MRPS9: variants seen among roughly 807,000 people sequenced by gnomAD.
MRPS9 encodes mitochondrial ribosomal protein S9, also known as small ribosomal subunit protein uS9m.
A neutral mutation model predicts 59.9 loss-of-function variants in MRPS9; 45 were observed. The ratio of observed to expected loss-of-function variants is 0.75; its 90% CI spans 0.59 to 0.96. MRPS9 has a LOEUF of 0.96. MRPS9 is among the 40% of genes least tolerant of loss of function. The probability of loss-of-function intolerance (pLI) is 0.00; values close to 1 mark genes in which losing one functional copy is unlikely to be tolerated. For synonymous variants in MRPS9, 171 were observed against 166.8 expected, an observed-to-expected ratio of 1.03 and a Z score of -0.19; for missense variants, 473 against 481.1, an observed-to-expected ratio of 0.98 and a Z score of 0.16.
chr2:105,043,502 A>ATC (rs1679537461), intron 1 of MRPS9, among the ~76,000 whole-genome samples: 3 of 152,194 alleles, frequency 2.0e-5, no homozygotes, highest in Non-Finnish European at 4.4e-5. Flanking sequence ...GGACAGTTGG[A>ATC]ATACCGTTTT....
At chr2:105,096,631 G>A (rs1680665283) in intron 9 of MRPS9, among the ~76,000 whole-genome samples, 1 of 152,182 alleles carries the variant, frequency 6.6e-6, no homozygotes, top group South Asian at 2.1e-4. Context: ...GGTGTTTGGT[G>A]TCAGGGAAGT....
intron 2 of MRPS9, among the ~76,000 whole-genome samples, chr2:105,065,367 T>C (rs1351364521): frequency 2.0e-5 from 3 of 152,206 alleles, no homozygotes; most frequent in Non-Finnish European, 2.9e-5. Flanking sequence ...CAGTGTAAGC[T>C]ACTTAACTGC....
intron 1 of MRPS9, chr2:105,038,526 G>T (rs1679436104): frequency 5.1e-6 from 2 of 395,120 alleles, no homozygotes; most frequent in South Asian, 4.8e-5. Flanking sequence ...GCCTAGGTCT[G>T]TGTTGGGTCC....
At chr2:105,046,199 ATACTT>A (rs1344585574) in intron 1 of MRPS9, among the ~76,000 whole-genome samples, 1 of 151,982 alleles carries the variant, frequency 6.6e-6, no homozygotes, top group Non-Finnish European at 1.5e-5. Flanking sequence ...TTTTCTGTCT[ATACTT>A]TACAACCACT....
chr2:105,089,034 A>AG lies in MRPS9; in HGVS notation c.541dup (p.Ala181GlyfsTer22). On this transcript the variant is annotated frameshift_variant, in exon 6 of 11. Transcript: ENST00000258455. LOFTEE classifies it high-confidence loss of function. ...TAGAAAAACATCAAAGTCACTTGCA[A>AG]GCCAAAAGTCTGCTCCCAGAAAAAA... is the stretch of plus-strand genomic sequence containing the variant. The AG allele has an allele frequency of 6.2e-7, 1 of 1,611,826 alleles. No individual in the cohort carries two copies. The highest frequency in any genetic ancestry group is 8.5e-7 in the Non-Finnish European group (1 of 1,178,604).
Position 105,089,071 on chromosome 2 carries a change from T to G in MRPS9, c.575+2T>G, listed in dbSNP as rs760468004. ...GCTCCCAGAAAAAACTGTAACCAGGTAAGCTCTTTTCTTGCATTAAAATAT... is the reference window on the plus strand; with the variant it reads ...GCTCCCAGAAAAAACTGTAACCAGGGAAGCTCTTTTCTTGCATTAAAATAT... On this transcript the variant is annotated splice_donor_variant, in intron 6 of 10. Coordinates refer to ENST00000258455, the MANE Select transcript of MRPS9 (RefSeq NM_182640.3). LOFTEE classifies it high-confidence loss of function. 4 of 1,602,568 alleles carry G rather than the reference T, an allele frequency of 2.5e-6. No homozygotes were observed. Among genetic ancestry groups the G allele is most frequent in the Non-Finnish European group, 3.4e-6 (4 of 1,173,554 alleles).
At chr2:105,074,007 G>A (rs78206111) in intron 4 of MRPS9, among the ~76,000 whole-genome samples, 2,695 of 152,154 alleles carry the variant, frequency 0.018, 81 homozygotes, top group African/African-American at 0.062. Context: ...AAAACCTAAC[G>A]AATTCCAAGT....
intron 4 of MRPS9, among the ~76,000 whole-genome samples, chr2:105,078,495 A>G (rs1290657199): frequency 6.6e-6 from 1 of 152,180 alleles, no homozygotes; most frequent in African/African-American, 2.4e-5. Context: ...AATCAATTGC[A>G]TAAGAAAAGA....
rs1299562807 is a variant in MRPS9 at position 105,038,168 on chromosome 2, C to T, written c.76C>T (p.Arg26Trp). 4 of 1,613,536 alleles carry T rather than the reference C, an allele frequency of 2.5e-6. No homozygotes were observed. In the South Asian group the frequency reaches 3.3e-5, roughly 13 times the overall value. The stretch of plus-strand genomic sequence containing the variant: ...TCTCTGGGGTAGGGGTAGCCTCGCC[C>T]GGAAGCAAGGCCTCTGGAAAACCGC... ...LLLWGRGSLARKQGLWKTAAP... is the reference protein window; with the variant it reads ...LLLWGRGSLAWKQGLWKTAAP... The change falls in exon 1 of 11, where the codon CGG (arginine) becomes TGG (tryptophan). Residue 26 changes from arginine to tryptophan, a missense_variant. Arg to Trp is a moderately radical substitution (Grantham distance 101, BLOSUM62 -3). Coordinates refer to ENST00000258455, the MANE Select transcript of MRPS9 (RefSeq NM_182640.3).
At chr2:105,078,191 T>TGA (rs1408733725) in intron 4 of MRPS9, among the ~76,000 whole-genome samples, 1 of 148,816 alleles carries the variant, frequency 6.7e-6, no homozygotes, top group Non-Finnish European at 1.5e-5. Flanking sequence ...AGGGAACACT[T>TGA]CACAATTTTT....
At chr2:105,085,249 G>A (rs749391239) in intron 5 of MRPS9, among the ~76,000 whole-genome samples, 4 of 152,002 alleles carry the variant, frequency 2.6e-5, no homozygotes, top group African/African-American at 4.8e-5. Context: ...AATGATAAGT[G>A]GATTACATTT....
chr2:105,095,619 T>A (rs1680645742), intron 9 of MRPS9, among the ~76,000 whole-genome samples: 1 of 150,632 alleles, frequency 6.6e-6, no homozygotes, highest in Non-Finnish European at 1.5e-5. Flanking sequence ...TGCCTCAGCC[T>A]CCTGAGTAGC....
intron 1 of MRPS9, among the ~76,000 whole-genome samples, chr2:105,046,213 C>T (rs1679590125): frequency 6.6e-6 from 1 of 152,010 alleles, no homozygotes; most frequent in Non-Finnish European, 1.5e-5. Flanking sequence ...TTTACAACCA[C>T]TGCATCACAG....
intron 6 of MRPS9, among the ~76,000 whole-genome samples, chr2:105,089,637 G>A (rs1397444460): frequency 6.6e-6 from 1 of 152,126 alleles, no homozygotes; most frequent in Non-Finnish European, 1.5e-5. Context: ...AGTTATACAG[G>A]CACAATTTTA....
At chr2:105,092,707 T>C (rs1680585517) in intron 8 of MRPS9, 138 bp downstream of exon 8, 2 of 843,388 alleles carry the variant, frequency 2.4e-6, no homozygotes, top group Admixed American at 3.5e-5. Context: ...GATTTCCTAA[T>C]TTTTAAGATT....
intron 2 of MRPS9, among the ~76,000 whole-genome samples, chr2:105,052,590 A>G (rs1316152148): frequency 6.6e-6 from 1 of 151,996 alleles, no homozygotes; most frequent in Admixed American, 6.6e-5. Flanking sequence ...GTTTTCTTAC[A>G]ATGTTTGTCT....
At chr2:105,071,584 C>A in intron 4 of MRPS9, 95 bp downstream of exon 4, 2 of 1,208,506 alleles carry the variant, frequency 1.7e-6, no homozygotes, top group Non-Finnish European at 1.2e-6. Context: ...CGTAGGGTGG[C>A]CTTCCTGTGT....
intron 4 of MRPS9, among the ~76,000 whole-genome samples, chr2:105,076,095 G>C (rs1189782423): frequency 6.6e-6 from 1 of 152,136 alleles, no homozygotes; most frequent in Admixed American, 6.5e-5. Context: ...TGCCTACTTA[G>C]AAAATAGAAA....
intron 1 of MRPS9, among the ~76,000 whole-genome samples, chr2:105,044,702 T>A (rs1679563710): frequency 6.6e-6 from 1 of 152,180 alleles, no homozygotes; most frequent in Non-Finnish European, 1.5e-5. Context: ...CAGACACAAT[T>A]TTAAATCAAG....
Sources: allele counts gnomAD v4.1 joint callset (sites outside exome capture counted in the v4.1 genomes callset), GRCh38; gene constraint gnomAD v4.1.1; transcripts MANE v1.5; gene names NCBI Gene and HGNC (gene_info 2026-07-23, HGNC 2026-07-21).